Variants in CEP290 observed in about 807,000 individuals in gnomAD.
The protein encoded by CEP290 is centrosomal protein of 290 kDa.
A neutral mutation model predicts 344.9 loss-of-function variants in CEP290; 317 were observed. That is an observed-to-expected ratio of 0.92 (90% CI 0.84 to 1.01). The LOEUF (loss-of-function observed/expected upper bound fraction) is 1.01. Ranked by LOEUF, CEP290 falls within the 50% of genes least tolerant of loss-of-function variation. The pLI is 0.00. For synonymous variants in CEP290, 932 were observed against 895.8 expected, an observed-to-expected ratio of 1.04 and a Z score of -0.72; for missense variants, 2,754 against 2,761.4, an observed-to-expected ratio of 1.00 and a Z score of 0.06.
intron 12 of CEP290, 63 bp from the exon 13 acceptor site, chr12:88,125,432 A>G: frequency 1.2e-6 from 1 of 858,482 alleles, no homozygotes; most frequent in African/African-American, 1.8e-5. Flanking sequence ...AGGTAAGGAA[A>G]AAAGTACGTC....
chr12:88,102,641 TTG>T lies in CEP290; in HGVS notation c.2991+195_2991+196del, dbSNP rs59853208. On this transcript the variant is annotated intron_variant, in intron 26 of 53. Transcript: ENST00000552810. ...TCAGCCACTATAAATAGATAATATA[TTG>T]TGTGTGTGTGTGTGTGTTATGTGGG... 0.87 allele frequency among the ~76,000 whole-genome samples: 131,410 copies of T among 151,196 alleles called. 58,114 individuals carry two copies. The highest frequency in any genetic ancestry group is 0.99 in the East Asian group (5,079 of 5,150).
At chr12:88,120,576 A>G (rs2039341108) in intron 14 of CEP290, among the ~76,000 whole-genome samples, 1 of 152,220 alleles carries the variant, frequency 6.6e-6, no homozygotes. Context: ...AATCAGCAAT[A>G]CCAGTAGAAT....
At chr12:88,086,256 ATAGAT>A (rs1292725029) in intron 33 of CEP290, 83 bp from the exon 34 acceptor site, 2 of 1,531,164 alleles carry the variant, frequency 1.3e-6, no homozygotes, top group East Asian at 4.5e-5. Context: ...ATGATAAAAC[ATAGAT>A]TAAACCCCTC....
intron 17 of CEP290, 52 bp downstream of exon 17, chr12:88,118,431 A>G: frequency 7.4e-7 from 1 of 1,358,568 alleles, no homozygotes; most frequent in Non-Finnish European, 1.0e-6. Context: ...TCATATCCAG[A>G]CAACTCACTT....
intron 11 of CEP290, among the ~76,000 whole-genome samples, chr12:88,128,161 C>A (rs1414974828): frequency 2.0e-5 from 3 of 152,078 alleles, no homozygotes; most frequent in Non-Finnish European, 4.4e-5. Context: ...ATAGCAGAGA[C>A]CAGGTGGTCT....
At chr12:88,084,455 T>C (rs1227755938) in intron 35 of CEP290, 131 bp downstream of exon 35, 2 of 840,712 alleles carry the variant, frequency 2.4e-6, no homozygotes, top group African/African-American at 1.7e-5. Context: ...TCCAATCACA[T>C]GCAAGTAACA....
intron 28 of CEP290, chr12:88,093,545 AAT>A (rs1687264435): frequency 2.3e-6 from 1 of 442,556 alleles, no homozygotes. Flanking sequence ...ACATTTCATA[AAT>A]TAAATCTAAT....
intron 41 of CEP290, among the ~76,000 whole-genome samples, chr12:88,076,352 G>C (rs1371099919): frequency 6.6e-6 from 1 of 152,016 alleles, no homozygotes; most frequent in Non-Finnish European, 1.5e-5. Context: ...TCTATTCAAT[G>C]CCTTTAAAGA....
chr12:88,086,299 C>G, intron 33 of CEP290, 92 bp downstream of exon 33: 3 of 1,414,548 alleles, frequency 2.1e-6, no homozygotes, highest in Non-Finnish European at 2.9e-6. Context: ...AATATAACAT[C>G]AATTAAAATT....
intron 43 of CEP290, among the ~76,000 whole-genome samples, chr12:88,069,929 C>T (rs1037613107): frequency 6.6e-6 from 1 of 152,124 alleles, no homozygotes; most frequent in Non-Finnish European, 1.5e-5. Flanking sequence ...TCACGTAAAA[C>T]CAACTGAAGT....
intron 35 of CEP290, among the ~76,000 whole-genome samples, chr12:88,084,157 T>C (rs1250896373): frequency 6.6e-6 from 1 of 152,182 alleles, no homozygotes; most frequent in Non-Finnish European, 1.5e-5. Flanking sequence ...CCTCAGTTCA[T>C]AATTTATTCT....
intron 25 of CEP290, among the ~76,000 whole-genome samples, chr12:88,105,317 A>G (rs2038196946): frequency 6.6e-6 from 1 of 152,228 alleles, no homozygotes; most frequent in Non-Finnish European, 1.5e-5. Context: ...CACATGGAAT[A>G]TTTAAAAATC....
intron 25 of CEP290, among the ~76,000 whole-genome samples, chr12:88,105,360 A>G (rs1481742356): frequency 6.6e-6 from 1 of 152,132 alleles, no homozygotes; most frequent in Non-Finnish European, 1.5e-5. Context: ...AAAAAGAGAA[A>G]GCGGAGGGGA....
chr12:88,084,937 CA>C (rs1259355637), intron 34 of CEP290, 85 bp from the exon 35 acceptor site: 128 of 1,109,500 alleles, frequency 1.2e-4, no homozygotes, highest in East Asian at 2.7e-4. Context: ...AGTTATTAGC[CA>C]AAAAAAATTC....
chr12:88,122,439 A>C (rs1391555608), intron 13 of CEP290, among the ~76,000 whole-genome samples: 1 of 152,164 alleles, frequency 6.6e-6, no homozygotes, highest in Non-Finnish European at 1.5e-5. Flanking sequence ...GATGAGAAAT[A>C]AATGTCTATC....
chr12:88,096,219 T>C (rs1261361194), intron 27 of CEP290, among the ~76,000 whole-genome samples: 1 of 152,096 alleles, frequency 6.6e-6, no homozygotes. Context: ...TGGCTAATTT[T>C]TGTACTTTTA....
At chr12:88,065,028 A>G (rs1282131516) in intron 44 of CEP290, among the ~76,000 whole-genome samples, 1 of 152,000 alleles carries the variant, frequency 6.6e-6, no homozygotes, top group Non-Finnish European at 1.5e-5. Flanking sequence ...GTCATTATTT[A>G]TGTTGTTACT....
At chr12:88,138,116 T>G (rs1339540005) in intron 5 of CEP290, among the ~76,000 whole-genome samples, 1 of 152,156 alleles carries the variant, frequency 6.6e-6, no homozygotes, top group East Asian at 1.9e-4. Flanking sequence ...GAACATTCTT[T>G]CAATTATTCC....
chr12:88,060,279 G>A (rs2034367029), intron 47 of CEP290, among the ~76,000 whole-genome samples: 1 of 152,172 alleles, frequency 6.6e-6, no homozygotes, highest in Non-Finnish European at 1.5e-5. Flanking sequence ...TCAATTTCAG[G>A]GATGGGAGCT....
Sources: allele counts gnomAD v4.1 joint callset (sites outside exome capture counted in the v4.1 genomes callset), GRCh38; gene constraint gnomAD v4.1.1; transcripts MANE v1.5; gene names NCBI Gene and HGNC (gene_info 2026-07-23, HGNC 2026-07-21).